Variants in PDE10A observed in about 807,000 individuals in gnomAD.
The protein encoded by PDE10A is cAMP and cAMP-inhibited cGMP 3',5'-cyclic phosphodiesterase 10A.
PDE10A carries 39 observed loss-of-function variants against 97.7 expected under a neutral mutation model. That is an observed-to-expected ratio of 0.40 (90% CI 0.31 to 0.52). PDE10A has a LOEUF of 0.52. PDE10A is among the 20% of genes least tolerant of loss of function. The pLI is 0.56. For synonymous variants in PDE10A, 371 were observed against 376.8 expected (o/e 0.98, Z 0.18); for missense variants, 731 against 1,047.8 (o/e 0.70, Z 4.17).
At chr6:165,358,130 C>T (rs1490598225) in intron 18 of PDE10A, among the ~76,000 whole-genome samples, 1 of 151,978 alleles carries the variant, frequency 6.6e-6, no homozygotes, top group African/African-American at 2.4e-5. Flanking sequence ...TTCCAGATAG[C>T]TTATCATTAT....
intron 1 of PDE10A, among the ~76,000 whole-genome samples, chr6:165,887,405 G>A (rs147705254): frequency 1.2e-4 from 19 of 152,152 alleles, no homozygotes; most frequent in Admixed American, 3.9e-4. Flanking sequence ...CTTCTCTACC[G>A]TCCCCAACTT....
intron 1 of PDE10A, among the ~76,000 whole-genome samples, chr6:165,844,436 G>A (rs1028137155): frequency 2.6e-5 from 4 of 152,108 alleles, no homozygotes; most frequent in Non-Finnish European, 5.9e-5. Flanking sequence ...ATTGATAATT[G>A]GTGAAATTTA....
chr6:165,642,726 T>C (rs1789196225), intron 1 of PDE10A, among the ~76,000 whole-genome samples: 2 of 152,226 alleles, frequency 1.3e-5, no homozygotes, highest in South Asian at 4.1e-4. Flanking sequence ...GGGTGAACGC[T>C]ACACAGCCTA....
intron 2 of PDE10A, among the ~76,000 whole-genome samples, chr6:165,492,343 C>T (rs1780275708): frequency 6.6e-6 from 1 of 152,124 alleles, no homozygotes; most frequent in Non-Finnish European, 1.5e-5. Flanking sequence ...GGGAATTCTC[C>T]CTAAATCATT....
At chr6:165,589,621 C>A (rs1206796302) in intron 1 of PDE10A, among the ~76,000 whole-genome samples, 2 of 151,744 alleles carry the variant, frequency 1.3e-5, no homozygotes, top group Admixed American at 1.3e-4. Context: ...ACATAACAGT[C>A]CCTGGCATAG....
intron 1 of PDE10A, among the ~76,000 whole-genome samples, chr6:165,786,782 G>C (rs1467921328): frequency 6.6e-6 from 1 of 152,170 alleles, no homozygotes; most frequent in East Asian, 1.9e-4. Flanking sequence ...GGATCAACTT[G>C]TGAGTCATAA....
intron 1 of PDE10A, among the ~76,000 whole-genome samples, chr6:165,785,310 A>G (rs1415316544): frequency 6.6e-6 from 1 of 152,160 alleles, no homozygotes; most frequent in Non-Finnish European, 1.5e-5. Context: ...ATTTTTCCCC[A>G]TATACTCCTT....
intron 1 of PDE10A, among the ~76,000 whole-genome samples, chr6:165,856,259 G>A (rs1324408241): frequency 6.6e-6 from 1 of 152,136 alleles, no homozygotes; most frequent in Non-Finnish European, 1.5e-5. Flanking sequence ...ACACAGCTGG[G>A]ACCAGGGAAA....
chr6:165,670,842 T>G (rs1286178033), intron 1 of PDE10A, among the ~76,000 whole-genome samples: 2 of 152,186 alleles, frequency 1.3e-5, no homozygotes, highest in African/African-American at 4.8e-5. Flanking sequence ...ATAAATGTAT[T>G]CAAGCAAATT....
chr6:165,909,946 A>T (rs917217006), intron 1 of PDE10A, among the ~76,000 whole-genome samples: 1 of 152,092 alleles, frequency 6.6e-6, no homozygotes, highest in African/African-American at 2.4e-5. Context: ...CTGAGTCTCT[A>T]TAAGGCTCGC....
At position 165,949,041 on chromosome 6, in the gene PDE10A, A is replaced by T. The variant is rs573015628; in HGVS notation, c.-615+38488T>A. 9.2e-5 allele frequency: 14 copies of T among 152,372 alleles called. 1 individual carries two copies. Among genetic ancestry groups the T allele is most frequent in the Admixed American group, 9.1e-4 (14 of 15,308 alleles). 9.4% of individuals were successfully genotyped at this position (152,372 alleles called of 1,614,324 possible). A position where few individuals can be genotyped will look rare whatever the true frequency, so the allele number is the denominator to read the frequency against. On this transcript the variant is annotated intron_variant, in intron 1 of 19. Transcript: ENST00000366882. ...GGAAATGGCCCTGGTAAATAATCTG[A>T]GTTTTGAGTTGATGGATTCAGAAAC...
intron 2 of PDE10A, among the ~76,000 whole-genome samples, chr6:165,500,741 T>C (rs1294016197): frequency 6.6e-6 from 1 of 151,500 alleles, no homozygotes; most frequent in Non-Finnish European, 1.5e-5. Context: ...AGGAAGGCAT[T>C]TGTCTCCTGC....
intron 12 of PDE10A, among the ~76,000 whole-genome samples, chr6:165,414,807 G>T (rs113778646): frequency 6.6e-6 from 1 of 152,282 alleles, no homozygotes; most frequent in Non-Finnish European, 1.5e-5. Flanking sequence ...ATGTATGAGG[G>T]TACTCGTTTC....
chr6:165,835,893 C>T (rs574145309), intron 1 of PDE10A, among the ~76,000 whole-genome samples: 34 of 152,146 alleles, frequency 2.2e-4, no homozygotes, highest in Non-Finnish European at 3.8e-4. Context: ...GTCAGAAAGT[C>T]TTCCAGTATT....
intron 1 of PDE10A, among the ~76,000 whole-genome samples, chr6:165,771,426 A>G (rs1275736430): frequency 6.6e-6 from 1 of 152,094 alleles, no homozygotes; most frequent in African/African-American, 2.4e-5. Context: ...GTTCCACTAT[A>G]ACCAGAGTCA....
chr6:165,915,000 C>CTGT (rs751234306), intron 1 of PDE10A, among the ~76,000 whole-genome samples: 2 of 145,860 alleles, frequency 1.4e-5, no homozygotes, highest in Non-Finnish European at 3.1e-5. Context: ...CACAGAAACA[C>CTGT]TGTCCCATGC....
chr6:165,825,145 C>CA (rs1199061190), intron 1 of PDE10A, among the ~76,000 whole-genome samples: 2,466 of 50,488 alleles, frequency 0.049, 41 homozygotes, highest in Non-Finnish European at 0.071. Flanking sequence ...GACTCCATCT[C>CA]AAAAAAAAAA....
chr6:165,973,184 C>T lies in PDE10A; in HGVS notation c.-615+14345G>A, dbSNP rs539043947. 2.6e-5 allele frequency among the ~76,000 whole-genome samples: 4 copies of T among 152,210 alleles called. No homozygotes were observed. The East Asian group carries it at 5.8e-4, about 22-fold the overall frequency. On this transcript the variant is annotated intron_variant, in intron 1 of 19. Transcript: ENST00000366882. ...CTGTAATCCCAGCATTTTAGGAGGC[C>T]GAGGCTGGCAGATCACATGAGGTCA...
chr6:165,434,036 A>AAAAG (rs1789815656), intron 6 of PDE10A, among the ~76,000 whole-genome samples: 1 of 144,386 alleles, frequency 6.9e-6, no homozygotes, highest in Admixed American at 7.1e-5. Flanking sequence ...AAAAAAAAAA[A>AAAAG]AAGAAGTAGT....
Sources: allele counts gnomAD v4.1 joint callset (sites outside exome capture counted in the v4.1 genomes callset), GRCh38; gene constraint gnomAD v4.1.1; transcripts MANE v1.5; gene names NCBI Gene and HGNC (gene_info 2026-07-23, HGNC 2026-07-21).